Variants in ARHGAP15 observed in about 807,000 individuals in gnomAD.
ARHGAP15 encodes Rho GTPase activating protein 15.
ARHGAP15 carries 51 observed loss-of-function variants against 63.7 expected under a neutral mutation model. That is an observed-to-expected ratio of 0.80 (90% CI 0.64 to 1.01). The LOEUF (loss-of-function observed/expected upper bound fraction) is 1.01. ARHGAP15 is among the 50% of genes least tolerant of loss of function. The probability of loss-of-function intolerance (pLI) is 0.00; values close to 1 mark genes in which losing one functional copy is unlikely to be tolerated. For missense variants in ARHGAP15, 560 were observed against 564.6 expected (o/e 0.99, Z 0.08); for synonymous variants, 191 against 193.8 (o/e 0.99, Z 0.12).
At chr2:143,291,153 G>T (rs1443295264) in intron 6 of ARHGAP15, among the ~76,000 whole-genome samples, 1 of 152,100 alleles carries the variant, frequency 6.6e-6, no homozygotes, top group South Asian at 2.1e-4. Context: ...AAGTCCAGGT[G>T]ATTTAACCCT....
chr2:143,636,769 C>G (rs890082198), intron 12 of ARHGAP15, among the ~76,000 whole-genome samples: 3 of 152,142 alleles, frequency 2.0e-5, no homozygotes, highest in Admixed American at 6.6e-5. Context: ...CAAGATCACA[C>G]TCCCTCAAAT....
chr2:143,732,657 G>A (rs16822965), intron 13 of ARHGAP15, among the ~76,000 whole-genome samples: 4,020 of 151,760 alleles, frequency 0.026, 172 homozygotes, highest in African/African-American at 0.093. Flanking sequence ...CAGGTTGTCA[G>A]TATTAAAATC....
chr2:143,427,333 C>T lies in ARHGAP15; in HGVS notation c.475-8268C>T, dbSNP rs540543589. 3.6e-4 allele frequency among the ~76,000 whole-genome samples: 55 copies of T among 152,268 alleles called. 1 individual carries two copies. Among genetic ancestry groups the T allele is most frequent in the Middle Eastern group, 3.4e-3 (1 of 294 alleles). On this transcript the variant is annotated intron_variant, in intron 6 of 13. Transcript: ENST00000295095. The stretch of plus-strand genomic sequence containing the variant: ...CTAAATAAAATTAACAACGTAACTA[C>T]TACCTCCTCCCACAGTTTGCTTATT...
chr2:143,217,388 C>T (rs994032981), intron 4 of ARHGAP15, among the ~76,000 whole-genome samples: 6 of 152,110 alleles, frequency 3.9e-5, no homozygotes, highest in Non-Finnish European at 8.8e-5. Flanking sequence ...CTTAAAATAG[C>T]TATTTCAGTT....
chr2:143,183,585 A>G (rs1010654281), intron 2 of ARHGAP15, among the ~76,000 whole-genome samples: 1 of 152,154 alleles, frequency 6.6e-6, no homozygotes, highest in Non-Finnish European at 1.5e-5. Context: ...ACGAGCTCAC[A>G]AAGGGGGAAT....
At chr2:143,432,728 A>G (rs1689441631) in intron 6 of ARHGAP15, among the ~76,000 whole-genome samples, 1 of 152,058 alleles carries the variant, frequency 6.6e-6, no homozygotes, top group Non-Finnish European at 1.5e-5. Context: ...AAATTTCCCC[A>G]GATGGATACT....
chr2:143,713,327 A>G (rs953345744), intron 13 of ARHGAP15, among the ~76,000 whole-genome samples: 1 of 152,198 alleles, frequency 6.6e-6, no homozygotes, highest in African/African-American at 2.4e-5. Context: ...CTTATTCACT[A>G]TCACAAGAAT....
At chr2:143,536,446 A>G (rs1427368304) in intron 10 of ARHGAP15, among the ~76,000 whole-genome samples, 2 of 151,764 alleles carry the variant, frequency 1.3e-5, no homozygotes, top group Admixed American at 1.3e-4. Context: ...ATATGTGTAC[A>G]TGTGCCATGT....
intron 11 of ARHGAP15, among the ~76,000 whole-genome samples, chr2:143,564,481 ATAAG>A (rs1213790123): frequency 6.6e-6 from 1 of 152,198 alleles, no homozygotes; most frequent in Non-Finnish European, 1.5e-5. Context: ...AGTTTGAGCT[ATAAG>A]TAAGTGTTTT....
chr2:143,590,864 G>T lies in ARHGAP15; in HGVS notation c.1004-33269G>T, dbSNP rs189515598. Among the ~76,000 whole-genome samples the T allele has an allele frequency of 2.1e-3, 315 of 149,852 alleles. 2 individuals carry two copies. Among genetic ancestry groups the T allele is most frequent in the African/African-American group, 7.5e-3 (312 of 41,446 alleles). ...TAAGTTTGGATGTGTGCCATGTATA[G>T]CTGCACATTTTTTATCAAGTGGTGA... On this transcript the variant is annotated intron_variant, in intron 11 of 13. Transcript: ENST00000295095.
At chr2:143,764,172 T>C (rs75600384) in intron 13 of ARHGAP15, among the ~76,000 whole-genome samples, 2,383 of 152,304 alleles carry the variant, frequency 0.016, 36 homozygotes, top group Non-Finnish European at 0.027. Flanking sequence ...ATATTTTATA[T>C]TGACACATGC....
intron 6 of ARHGAP15, among the ~76,000 whole-genome samples, chr2:143,420,867 TAAG>T (rs1016290392): frequency 6.6e-6 from 1 of 152,214 alleles, no homozygotes; most frequent in African/African-American, 2.4e-5. Context: ...AATGGGAATT[TAAG>T]AAGGAGAGGC....
chr2:143,565,757 T>C (rs1411919851), intron 11 of ARHGAP15, among the ~76,000 whole-genome samples: 1 of 152,174 alleles, frequency 6.6e-6, no homozygotes, highest in African/African-American at 2.4e-5. Context: ...AGTCATGATA[T>C]TGGAAATAGT....
chr2:143,538,988 C>T (rs369976587), intron 10 of ARHGAP15, among the ~76,000 whole-genome samples: 4 of 152,084 alleles, frequency 2.6e-5, no homozygotes, highest in Admixed American at 1.3e-4. Context: ...TGGTAGAATT[C>T]GGCTGTGAAT....
intron 8 of ARHGAP15, among the ~76,000 whole-genome samples, chr2:143,470,034 T>C (rs77601553): frequency 0.16 from 24,940 of 151,996 alleles, 2,658 homozygotes; most frequent in Non-Finnish European, 0.24. Context: ...CTATTTATTG[T>C]CATTAGTCAC....
intron 12 of ARHGAP15, among the ~76,000 whole-genome samples, chr2:143,680,188 G>GA (rs1384355408): frequency 1.3e-5 from 2 of 151,996 alleles, no homozygotes; most frequent in Admixed American, 1.3e-4. Flanking sequence ...CAAAAACATG[G>GA]AAAAAATCCA....
In ARHGAP15 at chr2:143,242,304, G is replaced by C. The variant is rs140742539; in HGVS notation, c.385-8207G>C. Among the ~76,000 whole-genome samples, 672 of 152,360 alleles carry C rather than the reference G, an allele frequency of 4.4e-3. 6 individuals are homozygous for C. Among genetic ancestry groups the C allele is most frequent in the African/African-American group, 0.015 (641 of 41,588 alleles). ...ATTGCCCAGGCAGGGCTGGTCATCT[G>C]CAGGGACAGCTGAGGTTGACTGAGT... is the stretch of plus-strand genomic sequence containing the variant. On this transcript the variant is annotated intron_variant, in intron 5 of 13. Transcript: ENST00000295095.
intron 6 of ARHGAP15, among the ~76,000 whole-genome samples, chr2:143,298,956 T>A (rs1472884878): frequency 6.6e-6 from 1 of 151,942 alleles, no homozygotes; most frequent in African/African-American, 2.4e-5. Context: ...ACGTAATGCA[T>A]GTGTAGCAAA....
intron 10 of ARHGAP15, among the ~76,000 whole-genome samples, chr2:143,547,725 A>G (rs917913359): frequency 1.3e-5 from 2 of 150,544 alleles, no homozygotes; most frequent in African/African-American, 4.9e-5. Flanking sequence ...AGTCAGTGAG[A>G]TTTTCTTCTA....
Sources: gnomAD v4.1 joint callset for allele counts (sites outside exome capture counted in the v4.1 genomes callset) on GRCh38, gnomAD v4.1.1 for gene constraint, MANE v1.5 for transcripts, NCBI Gene and HGNC (gene_info 2026-07-23, HGNC 2026-07-21) for gene names.